Variants in TRAPPC8 observed in about 807,000 individuals in gnomAD.
TRAPPC8 encodes trafficking protein particle complex subunit 8.
A neutral mutation model predicts 174.3 loss-of-function variants in TRAPPC8; 54 were observed. That is an observed-to-expected ratio of 0.31 (90% confidence interval 0.25 to 0.39). The LOEUF (loss-of-function observed/expected upper bound fraction) is 0.39, where lower values mean the gene tolerates loss of function less well. Ranked by LOEUF, TRAPPC8 falls within the 10% of genes least tolerant of loss-of-function variation. The pLI is 1.00. For synonymous variants in TRAPPC8, 630 were observed against 579.9 expected (o/e 1.09, Z -1.24); for missense variants, 1,531 against 1,699.1 (o/e 0.90, Z 1.74).
At chr18:31,934,949 CATAA>C (rs59323781) in intron 1 of TRAPPC8, among the ~76,000 whole-genome samples, 28,923 of 140,198 alleles carry the variant, frequency 0.21, 3,552 homozygotes, top group East Asian at 0.47. Flanking sequence ...GGCTCCGTCT[CATAA>C]ATAAATAAAT....
intron 1 of TRAPPC8, among the ~76,000 whole-genome samples, chr18:31,936,933 C>G (rs2038128965): frequency 7.1e-6 from 1 of 141,106 alleles, no homozygotes; most frequent in Non-Finnish European, 1.5e-5. Flanking sequence ...AAAAAAGGAG[C>G]CAGGCGCGGT....
At chr18:31,843,978 T>C (rs945035097) in intron 26 of TRAPPC8, among the ~76,000 whole-genome samples, 2 of 152,200 alleles carry the variant, frequency 1.3e-5, no homozygotes, top group Admixed American at 6.5e-5. Context: ...AAAAGCCACT[T>C]TGTAACCTGC....
At chr18:31,911,726 C>T (rs74726532) in intron 5 of TRAPPC8, among the ~76,000 whole-genome samples, 44,107 of 135,888 alleles carry the variant, frequency 0.32, 8,192 homozygotes, top group Admixed American at 0.5. Flanking sequence ...CACTGCACTC[C>T]GGCCTGGGCG....
intron 5 of TRAPPC8, among the ~76,000 whole-genome samples, chr18:31,911,599 C>T (rs62093866): frequency 6.6e-6 from 1 of 150,948 alleles, no homozygotes; most frequent in African/African-American, 2.4e-5. Context: ...ATTAGCCAGG[C>T]GTGGTGGCGG....
intron 2 of TRAPPC8, among the ~76,000 whole-genome samples, chr18:31,918,384 A>C (rs1374049067): frequency 6.6e-6 from 1 of 152,126 alleles, no homozygotes; most frequent in Non-Finnish European, 1.5e-5. Context: ...CACTGCCATA[A>C]GTAGATCTTT....
At position 31,909,665 on chromosome 18, in the gene TRAPPC8, AC is replaced by A; in HGVS notation, c.865+1del. The A allele has an allele frequency of 1.3e-6, 2 of 1,591,584 alleles. No homozygotes were observed. Among genetic ancestry groups the A allele is most frequent in the Non-Finnish European group, 1.7e-6 (2 of 1,173,984 alleles). ...AGAAACTTAGAGAAAATATATCAAG[AC>A]CTTTGACTTCGTTATCTAATCCATC... On this transcript the variant is annotated splice_donor_variant, in intron 6 of 28. Coordinates refer to ENST00000283351, the MANE Select transcript of TRAPPC8 (RefSeq NM_014939.5). LOFTEE classifies it high-confidence loss of function.
chr18:31,846,601 A>C lies in TRAPPC8; in HGVS notation c.3837+115T>G, dbSNP rs2033418445. ...AAAACAACAACAAAAAAAACCAAAA[A>C]ACAAAACCTGAACAAACCAGACCCC... On this transcript the variant is annotated intron_variant, in intron 26 of 28. Transcript: ENST00000283351. 5 of 837,354 alleles carry C rather than the reference A, an allele frequency of 6.0e-6. No individual in the cohort carries two copies. In the South Asian group the frequency reaches 6.0e-5, roughly 10 times the overall value. 51.9% of individuals were successfully genotyped at this position (837,354 alleles called of 1,614,324 possible).
intron 11 of TRAPPC8, among the ~76,000 whole-genome samples, chr18:31,893,386 TG>T (rs1392451752): frequency 6.7e-6 from 1 of 149,728 alleles, no homozygotes; most frequent in East Asian, 1.9e-4. Context: ...TCTAGGTGTG[TG>T]TGTGTGTGTG....
chr18:31,917,817 G>A (rs1001120407), intron 2 of TRAPPC8, 150 bp from the exon 3 acceptor site: 1 of 663,386 alleles, frequency 1.5e-6, no homozygotes, highest in Non-Finnish European at 2.6e-6. Flanking sequence ...AGATGTACAT[G>A]TGTGTATATA....
At chr18:31,917,772 C>T (rs973925484) in intron 2 of TRAPPC8, 105 bp from the exon 3 acceptor site, 1 of 958,960 alleles carries the variant, frequency 1.0e-6, no homozygotes, top group East Asian at 2.5e-5. Context: ...AAAAAAATTT[C>T]TAACAGTAAA....
rs189350092 is a variant in TRAPPC8, at chr18:31,921,037, G to A, written c.353-3370C>T. ...TTGAGGTGTAGTTAAATAAATTATGGCCTAACCATTAAAAAGATACATTAG... is the reference window on the plus strand; with the variant it reads ...TTGAGGTGTAGTTAAATAAATTATGACCTAACCATTAAAAAGATACATTAG... On this transcript the variant is annotated intron_variant, in intron 2 of 28. Coordinates refer to ENST00000283351, the MANE Select transcript of TRAPPC8 (RefSeq NM_014939.5). Among the ~76,000 whole-genome samples, 4 of 151,548 alleles carry A rather than the reference G, an allele frequency of 2.6e-5. No individual in the cohort carries two copies. The East Asian group carries it at 7.8e-4, about 30-fold the overall frequency.
intron 26 of TRAPPC8, among the ~76,000 whole-genome samples, chr18:31,843,136 TG>T (rs1568035473): frequency 1.3e-5 from 2 of 152,230 alleles, no homozygotes; most frequent in Non-Finnish European, 2.9e-5. Flanking sequence ...ACTTAAGGGT[TG>T]TATATTAATC....
intron 26 of TRAPPC8, among the ~76,000 whole-genome samples, chr18:31,843,682 G>T (rs569995615): frequency 8.3e-4 from 127 of 152,258 alleles, no homozygotes; most frequent in African/African-American, 3.0e-3. Flanking sequence ...TAATTACCAA[G>T]TACTTATTAT....
rs549903310 is a variant in TRAPPC8, at chr18:31,831,932, C to T, written c.4073+152G>A. 7 of 448,480 alleles carry T rather than the reference C, an allele frequency of 1.6e-5. No individual in the cohort carries two copies. The South Asian group carries it at 2.2e-4, about 14-fold the overall frequency. The allele number at this position is 448,480 out of a possible 1,614,324, so 27.8% of individuals were successfully genotyped here. ...AAAAAATCTTTAATATTTAAAGCCT[C>T]TGTAACACATCTGTAAGCCTTCTAT... On this transcript the variant is annotated intron_variant, in intron 28 of 28. Coordinates refer to ENST00000283351, the MANE Select transcript of TRAPPC8 (RefSeq NM_014939.5).
chr18:31,895,874 A>G (rs1369226466), intron 11 of TRAPPC8: 2 of 152,208 alleles, frequency 1.3e-5, no homozygotes, highest in Non-Finnish European at 2.9e-5. Context: ...ATTATTAAAC[A>G]TTTTAAATAT....
intron 2 of TRAPPC8, among the ~76,000 whole-genome samples, chr18:31,921,413 A>G (rs1359330085): frequency 6.6e-6 from 1 of 152,140 alleles, no homozygotes; most frequent in Non-Finnish European, 1.5e-5. Flanking sequence ...GGGGAGTTCC[A>G]GACCAGCCTG....
intron 26 of TRAPPC8, among the ~76,000 whole-genome samples, chr18:31,841,206 T>G (rs2035418): frequency 0.26 from 39,254 of 151,974 alleles, 5,353 homozygotes; most frequent in Middle Eastern, 0.39. Context: ...GGAACTTGAT[T>G]ATGGGTAATT....
At position 31,943,072 on chromosome 18, in the gene TRAPPC8, T is replaced by G. The variant is rs1348727016; in HGVS notation, c.-308A>C. The G allele has an allele frequency of 2.2e-5, 10 of 450,160 alleles. No homozygotes were observed. The highest frequency in any genetic ancestry group is 5.8e-4 in the Middle Eastern group (1 of 1,726). The allele number at this position is 450,160 out of a possible 1,614,324, so 27.9% of individuals were successfully genotyped here. On this transcript the variant is annotated 5_prime_UTR_variant, in exon 1 of 29. Transcript: ENST00000283351. ...CTTCGGACGGCAAAACCTTGGTCACTGCCCGGCCGGAACCGCCATGTTGAG... is the reference window on the plus strand; with the variant it reads ...CTTCGGACGGCAAAACCTTGGTCACGGCCCGGCCGGAACCGCCATGTTGAG...
At chr18:31,908,723 T>G (rs2036773051) in intron 7 of TRAPPC8, 31 bp downstream of exon 7, 1 of 1,502,958 alleles carries the variant, frequency 6.7e-7, no homozygotes, top group South Asian at 1.4e-5. Flanking sequence ...CTTAAATTTT[T>G]AAAATACTAA....
Sources: allele counts gnomAD v4.1 joint callset (sites outside exome capture counted in the v4.1 genomes callset), GRCh38; gene constraint gnomAD v4.1.1; transcripts MANE v1.5; gene names NCBI Gene and HGNC (gene_info 2026-07-23, HGNC 2026-07-21).